The following ATP10B variants were observed in gnomAD, a reference collection of about 807,000 sequenced individuals.
ATP10B encodes the protein phospholipid-transporting ATPase VB.
A neutral mutation model predicts 141.2 loss-of-function variants in ATP10B; 122 were observed. The ratio of observed to expected loss-of-function variants is 0.86; its 90% CI spans 0.75 to 1.00. The LOEUF is 1.00. Among genes scored for constraint, ATP10B ranks in the 50% least tolerant of loss-of-function variants. ATP10B has a pLI of 0.00. For missense variants in ATP10B, 1,876 were observed against 1,825.3 expected, an observed-to-expected ratio of 1.03 and a Z score of -0.51; for synonymous variants, 685 against 692.0, an observed-to-expected ratio of 0.99 and a Z score of 0.16.
At chr5:160,861,253 C>T in the ATP10B span, among the ~76,000 whole-genome samples, 1 of 151,824 alleles carries the variant, frequency 6.6e-6, no homozygotes, top group Non-Finnish European at 1.5e-5. Flanking sequence ...ATTGATATTG[C>T]TATTTTACAC....
intron 3 of ATP10B, among the ~76,000 whole-genome samples, chr5:160,708,023 C>T (rs1240556845): frequency 6.6e-6 from 1 of 152,176 alleles, no homozygotes; most frequent in African/African-American, 2.4e-5. Context: ...CTAGTTTTCC[C>T]CTCTTCATTA....
chr5:160,576,397 G>A (rs1442565350), intron 24 of ATP10B, among the ~76,000 whole-genome samples: 1 of 152,214 alleles, frequency 6.6e-6, no homozygotes, highest in Non-Finnish European at 1.5e-5. Flanking sequence ...AAAAAGTGAT[G>A]GAGGGGTCTA....
intron 3 of ATP10B, among the ~76,000 whole-genome samples, chr5:160,716,170 A>G (rs1031950109): frequency 1.4e-4 from 21 of 152,240 alleles, no homozygotes; most frequent in African/African-American, 4.6e-4. Context: ...ATGGAAACAA[A>G]TGTCCATCAA....
chr5:160,715,191 A>G (rs1765532961), intron 3 of ATP10B, among the ~76,000 whole-genome samples: 1 of 145,096 alleles, frequency 6.9e-6, no homozygotes, highest in African/African-American at 2.6e-5. Context: ...AGCCTGGGCA[A>G]TGGCGGGCGC....
At chr5:160,565,960 C>A in intron 25 of ATP10B, 60 bp from the exon 26 acceptor site, 1 of 1,472,382 alleles carries the variant, frequency 6.8e-7, no homozygotes, top group Non-Finnish European at 9.2e-7. Flanking sequence ...TAAACTTCAG[C>A]ATTAAAAGAT....
chr5:160,597,720 C>T (rs1561639690), intron 22 of ATP10B, among the ~76,000 whole-genome samples: 4 of 152,060 alleles, frequency 2.6e-5, no homozygotes, highest in African/African-American at 9.7e-5. Context: ...ACAACCCCAT[C>T]AAAAAGTGGG....
chr5:160,656,847 CTCTT>C (rs1416960362), intron 7 of ATP10B, among the ~76,000 whole-genome samples: 3 of 152,194 alleles, frequency 2.0e-5, no homozygotes, highest in Admixed American at 6.5e-5. Context: ...ACCAACAAAA[CTCTT>C]TCCTCAAACA....
chr5:160,787,841 G>T (rs1334092252), intron 1 of ATP10B, among the ~76,000 whole-genome samples: 2 of 152,086 alleles, frequency 1.3e-5, no homozygotes, highest in African/African-American at 4.8e-5. Context: ...GTTATAAACT[G>T]GTGGCCCCAT....
chr5:160,726,365 G>A (rs993221216), intron 2 of ATP10B, among the ~76,000 whole-genome samples: 1 of 152,182 alleles, frequency 6.6e-6, no homozygotes, highest in Non-Finnish European at 1.5e-5. Context: ...AACAGCCTGA[G>A]TATTTTTGGA....
intron 3 of ATP10B, among the ~76,000 whole-genome samples, chr5:160,716,090 G>A (rs1363125551): frequency 1.3e-5 from 2 of 152,128 alleles, no homozygotes; most frequent in African/African-American, 4.8e-5. Context: ...ATACCTTGAA[G>A]CAATTTGCAC....
At chr5:160,832,544 T>C (rs564127026) in intron 1 of ATP10B, among the ~76,000 whole-genome samples, 4 of 152,278 alleles carry the variant, frequency 2.6e-5, no homozygotes, top group Admixed American at 2.6e-4. Flanking sequence ...GGTGTGTGAA[T>C]GTGTACACAC....
intron 1 of ATP10B, among the ~76,000 whole-genome samples, chr5:160,823,435 G>A (rs1458554148): frequency 1.3e-5 from 2 of 152,106 alleles, no homozygotes; most frequent in Non-Finnish European, 2.9e-5. Context: ...GCTTATACAT[G>A]CTAGACTTAA....
chr5:160,633,437 G>A (rs1759081684), intron 12 of ATP10B: 1 of 152,140 alleles, frequency 6.6e-6, no homozygotes, highest in African/African-American at 2.4e-5. Context: ...GAAACCATCA[G>A]CAAACTAACA....
intron 2 of ATP10B, among the ~76,000 whole-genome samples, chr5:160,760,584 A>G (rs1768958259): frequency 6.6e-6 from 1 of 152,220 alleles, no homozygotes; most frequent in Non-Finnish European, 1.5e-5. Context: ...AAAAAATAAA[A>G]CCAATCAACT....
intron 18 of ATP10B, among the ~76,000 whole-genome samples, chr5:160,607,728 T>C (rs1757474921): frequency 1.3e-5 from 2 of 152,216 alleles, no homozygotes. Flanking sequence ...ATAAAAGTCT[T>C]ATTGATGGAA....
chr5:160,692,526 G>C (rs1764130553), intron 3 of ATP10B: 1 of 152,188 alleles, frequency 6.6e-6, no homozygotes. Flanking sequence ...TGCTCCTAAA[G>C]ATAGGATTTC....
the ATP10B span, among the ~76,000 whole-genome samples, chr5:160,926,091 C>A: frequency 6.6e-6 from 1 of 152,330 alleles, no homozygotes; most frequent in South Asian, 2.1e-4. Context: ...CACCTGGTGA[C>A]CTTGGAACTT....
At chr5:160,682,982 T>A (rs1216262845) in intron 6 of ATP10B, among the ~76,000 whole-genome samples, 1 of 128,494 alleles carries the variant, frequency 7.8e-6, no homozygotes, top group African/African-American at 3.0e-5. Context: ...GAGCTTGCAG[T>A]GAGCTGTGAT....
intron 7 of ATP10B, among the ~76,000 whole-genome samples, chr5:160,649,553 G>A (rs1760551505): frequency 6.6e-6 from 1 of 152,172 alleles, no homozygotes; most frequent in Non-Finnish European, 1.5e-5. Context: ...CTGCAATGAT[G>A]GAATGTTCTG....
Sources: allele counts gnomAD v4.1 joint callset (sites outside exome capture counted in the v4.1 genomes callset), GRCh38; gene constraint gnomAD v4.1.1; transcripts MANE v1.5; gene names NCBI Gene and HGNC (gene_info 2026-07-23, HGNC 2026-07-21).